The following PRKCE variants were observed in gnomAD, a reference collection of about 807,000 sequenced individuals.
PRKCE encodes protein kinase C epsilon type.
Under a neutral mutation model 85.4 loss-of-function variants are expected in PRKCE, and 16 were observed. The observed-to-expected ratio is 0.19, with a 90% CI of 0.13 to 0.28. The LOEUF (loss-of-function observed/expected upper bound fraction) is 0.28, where lower values mean the gene tolerates loss of function less well. PRKCE is among the 10% of genes least tolerant of loss of function. The pLI is 1.00. For synonymous variants in PRKCE, 388 were observed against 371.5 expected, an observed-to-expected ratio of 1.04 and a Z score of -0.51; for missense variants, 573 against 975.2, an observed-to-expected ratio of 0.59 and a Z score of 5.49.
chr2:46,119,720 C>T (rs530131394), intron 11 of PRKCE, among the ~76,000 whole-genome samples: 17 of 152,320 alleles, frequency 1.1e-4, no homozygotes, highest in African/African-American at 4.1e-4. Flanking sequence ...GATTGAGAAA[C>T]ACGCATTGTT....
intron 2 of PRKCE, among the ~76,000 whole-genome samples, chr2:45,932,019 A>G (rs981439690): frequency 6.6e-6 from 1 of 152,156 alleles, no homozygotes; most frequent in Non-Finnish European, 1.5e-5. Flanking sequence ...ACCCGGCCAC[A>G]TACTGAATTT....
intron 11 of PRKCE, among the ~76,000 whole-genome samples, chr2:46,127,270 TC>T (rs1407503867): frequency 1.1e-4 from 16 of 152,222 alleles, no homozygotes; most frequent in African/African-American, 3.9e-4. Flanking sequence ...TAATACAGTG[TC>T]CCGCACAGTG....
At position 46,186,623 on chromosome 2, in the gene PRKCE, A is replaced by G. The variant is rs1019402526; in HGVS notation, c.*1742A>G. On this transcript the variant is annotated 3_prime_UTR_variant, in exon 15 of 15. Coordinates refer to ENST00000306156, the MANE Select transcript of PRKCE (RefSeq NM_005400.3). ...TGTATTGTTTATTTCATTTTGGTTTATTTTAAAAGATGTAAACATATATTA... is the reference window on the plus strand; with the variant it reads ...TGTATTGTTTATTTCATTTTGGTTTGTTTTAAAAGATGTAAACATATATTA... 7.9e-5 allele frequency: 12 copies of G among 152,562 alleles called. No individual in the cohort carries two copies. Among genetic ancestry groups the G allele is most frequent in the Middle Eastern group, 3.4e-3 (1 of 294 alleles). 9.5% of individuals were successfully genotyped at this position (152,562 alleles called of 1,614,324 possible).
Position 45,652,084 on chromosome 2 carries a change from CACT to C in PRKCE, c.-16_-14del. Reference sequence around the variant, plus strand: ...GGGCAGACGGAGTGACCCCGGCCCCCACTCCCCGCCCCGACCATGGTAGTGTTC... The same window carrying C: ...GGGCAGACGGAGTGACCCCGGCCCCCCCCCGCCCCGACCATGGTAGTGTTC... On this transcript the variant is annotated 5_prime_UTR_variant, in exon 1 of 15. Coordinates refer to ENST00000306156, the MANE Select transcript of PRKCE (RefSeq NM_005400.3). The surrounding 1 kb of genome is among the most constrained non-coding windows in gnomAD (Gnocchi z 7.7). The C allele has an allele frequency of 6.8e-7, 1 of 1,474,860 alleles. No individual in the cohort carries two copies. Among genetic ancestry groups the C allele is most frequent in the Non-Finnish European group, 9.2e-7 (1 of 1,087,682 alleles). The allele number at this position is 1,474,860 out of a possible 1,614,324, so 91.4% of individuals were successfully genotyped here. A position where few individuals can be genotyped will look rare whatever the true frequency, so the allele number is the denominator to read the frequency against.
intron 10 of PRKCE, among the ~76,000 whole-genome samples, chr2:46,046,771 C>T (rs925427379): frequency 6.6e-6 from 1 of 152,184 alleles, no homozygotes; most frequent in Non-Finnish European, 1.5e-5. Flanking sequence ...CAGGAATCCT[C>T]TTGAAAATAC....
At chr2:45,879,226 G>A (rs1334791648) in intron 2 of PRKCE, among the ~76,000 whole-genome samples, 1 of 152,212 alleles carries the variant, frequency 6.6e-6, no homozygotes, top group Non-Finnish European at 1.5e-5. Flanking sequence ...TCAGAGGGAC[G>A]GCTTGATGGC....
chr2:46,099,935 A>T (rs182214305), intron 11 of PRKCE, among the ~76,000 whole-genome samples: 1 of 152,306 alleles, frequency 6.6e-6, no homozygotes, highest in Admixed American at 6.5e-5. Context: ...GAGTTGCTGC[A>T]GTGGAAAGAA....
chr2:45,781,060 T>C (rs973985907), intron 1 of PRKCE, among the ~76,000 whole-genome samples: 1 of 152,092 alleles, frequency 6.6e-6, no homozygotes, highest in African/African-American at 2.4e-5. Context: ...AGGCCGGGCA[T>C]AGTGGCTCAA....
chr2:45,821,434 C>T (rs1375740035), intron 1 of PRKCE, among the ~76,000 whole-genome samples: 1 of 152,112 alleles, frequency 6.6e-6, no homozygotes, highest in African/African-American at 2.4e-5. Context: ...GGCCACACCT[C>T]TGAAGGGCTA....
chr2:46,021,557 C>A (rs1001243617), intron 10 of PRKCE, among the ~76,000 whole-genome samples: 2 of 152,092 alleles, frequency 1.3e-5, no homozygotes, highest in Admixed American at 6.5e-5. Flanking sequence ...CACTTAGAAA[C>A]TGTCAATTGT....
At chr2:45,745,532 G>A (rs374916079) in intron 1 of PRKCE, among the ~76,000 whole-genome samples, 3 of 152,154 alleles carry the variant, frequency 2.0e-5, no homozygotes, top group East Asian at 1.9e-4. Flanking sequence ...TTGTTGAAAC[G>A]AAAGCATGTG....
intron 2 of PRKCE, among the ~76,000 whole-genome samples, chr2:45,947,916 C>G (rs754341725): frequency 2.6e-5 from 4 of 152,070 alleles, no homozygotes; most frequent in Non-Finnish European, 4.4e-5. Flanking sequence ...GTAAAAATGA[C>G]GAGAAACAGG....
intron 14 of PRKCE, among the ~76,000 whole-genome samples, chr2:46,169,880 G>T (rs1001613646): frequency 6.6e-6 from 1 of 152,196 alleles, no homozygotes; most frequent in Admixed American, 6.5e-5. Flanking sequence ...CAGGCAGTGA[G>T]CTAAGGGGAA....
At chr2:45,826,186 C>A (rs147727074) in intron 1 of PRKCE, among the ~76,000 whole-genome samples, 2 of 152,250 alleles carry the variant, frequency 1.3e-5, no homozygotes, top group East Asian at 3.9e-4. Context: ...CAGGGTCAGT[C>A]CTCATTCCTC....
chr2:46,164,282 A>G (rs1678099857), intron 14 of PRKCE, among the ~76,000 whole-genome samples: 1 of 152,326 alleles, frequency 6.6e-6, no homozygotes. Context: ...GGAAAGGATC[A>G]AGTCTGTGAG....
At chr2:45,664,816 G>A (rs1191244503) in intron 1 of PRKCE, among the ~76,000 whole-genome samples, 2 of 152,190 alleles carry the variant, frequency 1.3e-5, no homozygotes, top group Non-Finnish European at 2.9e-5. Flanking sequence ...TGAGGCTTAA[G>A]GCTTTTTTTC....
Position 46,004,490 on chromosome 2 carries a change from A to G in PRKCE, c.967-52A>G. On this transcript the variant is annotated intron_variant, in intron 7 of 14. Transcript: ENST00000306156. This position sits in a 1 kb window ranked among gnomAD's most constrained non-coding sequence, Gnocchi z 4.1. ...ATCTTGATGCTTTTGACATCAGAAAACTCTCAACCCTCCCTTCTGATGCCT... is the reference window on the plus strand; with the variant it reads ...ATCTTGATGCTTTTGACATCAGAAAGCTCTCAACCCTCCCTTCTGATGCCT... The G allele has an allele frequency of 7.0e-7, 1 of 1,420,708 alleles. No homozygotes were observed. Among genetic ancestry groups the G allele is most frequent in the Non-Finnish European group, 9.6e-7 (1 of 1,040,486 alleles). The allele number at this position is 1,420,708 out of a possible 1,614,324, so 88.0% of individuals were successfully genotyped here. A position where few individuals can be genotyped will look rare whatever the true frequency, so the allele number is the denominator to read the frequency against.
At chr2:45,678,645 A>T (rs1309588723) in intron 1 of PRKCE, among the ~76,000 whole-genome samples, 1 of 152,176 alleles carries the variant, frequency 6.6e-6, no homozygotes, top group Non-Finnish European at 1.5e-5. Flanking sequence ...TTCTTTCAAG[A>T]TAAATAAATT....
chr2:45,822,531 A>G (rs541757508), intron 1 of PRKCE, among the ~76,000 whole-genome samples: 37 of 152,340 alleles, frequency 2.4e-4, no homozygotes, highest in Admixed American at 6.5e-4. Flanking sequence ...GCCATCCCCA[A>G]GTCTGCACAG....
Sources: allele counts gnomAD v4.1 joint callset (sites outside exome capture counted in the v4.1 genomes callset), GRCh38; gene constraint gnomAD v4.1.1; non-coding constraint Gnocchi (gnomAD v3.1); transcripts MANE v1.5; gene names NCBI Gene and HGNC (gene_info 2026-07-23, HGNC 2026-07-21).